The following LRRC4C variants were observed in gnomAD, a reference collection of about 807,000 sequenced individuals.
LRRC4C encodes the protein leucine-rich repeat-containing protein 4C.
A neutral mutation model predicts 33.6 loss-of-function variants in LRRC4C; 5 were observed. That is an observed-to-expected ratio of 0.15 (90% CI 0.08 to 0.31). The LOEUF (loss-of-function observed/expected upper bound fraction) is 0.31. Ranked by LOEUF, LRRC4C falls within the 10% of genes least tolerant of loss-of-function variation. LRRC4C has a pLI of 1.00. For synonymous variants in LRRC4C, 329 were observed against 302.0 expected, an observed-to-expected ratio of 1.09 and a Z score of -0.93; for missense variants, 560 against 796.7, an observed-to-expected ratio of 0.70 and a Z score of 3.58.
chr11:40,702,341 GAA>G (rs1945902133), intron 2 of LRRC4C, among the ~76,000 whole-genome samples: 1 of 151,972 alleles, frequency 6.6e-6, no homozygotes, highest in Non-Finnish European at 1.5e-5. Flanking sequence ...GAGATTTTAT[GAA>G]AAAAGTCTCT....
At chr11:40,175,924 T>A (rs1336222219) in intron 5 of LRRC4C, among the ~76,000 whole-genome samples, 3 of 152,188 alleles carry the variant, frequency 2.0e-5, no homozygotes, top group East Asian at 3.9e-4. Flanking sequence ...CTGTGTCCCA[T>A]GCCCTGAACT....
At chr11:40,827,969 G>A (rs1952238100) in intron 2 of LRRC4C, among the ~76,000 whole-genome samples, 1 of 151,776 alleles carries the variant, frequency 6.6e-6, no homozygotes, top group Middle Eastern at 3.4e-3. Flanking sequence ...TCTTTATAGA[G>A]TCTTGTTTAG....
At chr11:40,600,855 A>G (rs1389156605) in intron 3 of LRRC4C, among the ~76,000 whole-genome samples, 1 of 126,596 alleles carries the variant, frequency 7.9e-6, no homozygotes, top group Non-Finnish European at 1.7e-5. Flanking sequence ...TTTCAGGAAC[A>G]TATCACCCTG....
chr11:40,569,538 G>T (rs1173453733), intron 3 of LRRC4C, among the ~76,000 whole-genome samples: 1 of 152,000 alleles, frequency 6.6e-6, no homozygotes, highest in Non-Finnish European at 1.5e-5. Flanking sequence ...TATGTGTGAT[G>T]TCTGTGTTTG....
At chr11:40,121,745 C>A (rs766210582) in intron 6 of LRRC4C, among the ~76,000 whole-genome samples, 9 of 152,224 alleles carry the variant, frequency 5.9e-5, no homozygotes, top group Non-Finnish European at 7.3e-5. Context: ...AACGGAGATG[C>A]TTTCTTAGCA....
intron 1 of LRRC4C, among the ~76,000 whole-genome samples, chr11:41,450,450 T>G (rs2138636467): frequency 6.6e-6 from 1 of 152,282 alleles, no homozygotes; most frequent in Middle Eastern, 3.4e-3. Context: ...GTTTCTGGCT[T>G]TAAGTGTTAG....
In LRRC4C at chr11:40,212,396, T is replaced by A. The variant is rs557128586; in HGVS notation, c.-96+29123A>T. Among the ~76,000 whole-genome samples, 11 of 151,726 alleles carry A rather than the reference T, an allele frequency of 7.2e-5. No individual in the cohort carries two copies. In the South Asian group the frequency reaches 2.1e-3, roughly 29 times the overall value. On this transcript the variant is annotated intron_variant, in intron 5 of 6. Transcript: ENST00000528697. ...ACCCAGGGTAATTACATGCTCAGAT[T>A]AGAAACTACTTTTAGTAGTATGTAA...
chr11:41,447,966 A>G (rs567654558), intron 1 of LRRC4C, among the ~76,000 whole-genome samples: 2 of 152,092 alleles, frequency 1.3e-5, no homozygotes, highest in South Asian at 4.2e-4. Context: ...TTACAATTTT[A>G]TATCAGCTTG....
At chr11:41,021,878 T>A (rs1385962028) in intron 1 of LRRC4C, among the ~76,000 whole-genome samples, 1 of 151,992 alleles carries the variant, frequency 6.6e-6, no homozygotes, top group Non-Finnish European at 1.5e-5. Flanking sequence ...ATCATAAACA[T>A]AGAATCTTTT....
At chr11:41,034,118 TTGGATTAA>T (rs1856889069) in intron 1 of LRRC4C, among the ~76,000 whole-genome samples, 1 of 152,030 alleles carries the variant, frequency 6.6e-6, no homozygotes, top group East Asian at 1.9e-4. Context: ...TGTTGGAAAC[TTGGATTAA>T]TGGAATAAGG....
intron 2 of LRRC4C, among the ~76,000 whole-genome samples, chr11:40,702,198 G>A (rs963042804): frequency 6.6e-6 from 1 of 151,994 alleles, no homozygotes; most frequent in African/African-American, 2.4e-5. Context: ...TATTTTTACT[G>A]TTTATCAAGC....
At chr11:40,370,067 G>C (rs1207516809) in intron 3 of LRRC4C, among the ~76,000 whole-genome samples, 1 of 152,136 alleles carries the variant, frequency 6.6e-6, no homozygotes, top group Non-Finnish European at 1.5e-5. Context: ...ACATCTGCAA[G>C]AGGATGTTAT....
intron 1 of LRRC4C, among the ~76,000 whole-genome samples, chr11:41,139,098 A>G (rs532474166): frequency 1.3e-5 from 2 of 152,294 alleles, no homozygotes; most frequent in South Asian, 2.1e-4. Flanking sequence ...ATATGGTTAA[A>G]AGCCATATAT....
intron 5 of LRRC4C, among the ~76,000 whole-genome samples, chr11:40,200,221 A>G (rs11035734): frequency 1.5e-5 from 2 of 132,278 alleles, no homozygotes; most frequent in African/African-American, 5.7e-5. Flanking sequence ...AAAAATAGCC[A>G]TTCTTGGTGG....
At chr11:41,089,363 T>G (rs1219702036) in intron 1 of LRRC4C, among the ~76,000 whole-genome samples, 1 of 152,006 alleles carries the variant, frequency 6.6e-6, no homozygotes, top group African/African-American at 2.4e-5. Context: ...AGGTGCCAAT[T>G]ATTGTCATGG....
intron 2 of LRRC4C, among the ~76,000 whole-genome samples, chr11:40,855,500 C>T (rs1042914587): frequency 6.6e-6 from 1 of 152,120 alleles, no homozygotes; most frequent in Non-Finnish European, 1.5e-5. Flanking sequence ...TTTTGTCTTA[C>T]TTGGAGCCTT....
intron 1 of LRRC4C, among the ~76,000 whole-genome samples, chr11:41,053,041 G>A (rs929987865): frequency 3.9e-5 from 6 of 152,078 alleles, no homozygotes; most frequent in African/African-American, 1.4e-4. Context: ...TATCAGAATA[G>A]AGCCATAAAC....
At chr11:41,009,616 C>T (rs1040594156) in intron 1 of LRRC4C, among the ~76,000 whole-genome samples, 2 of 151,916 alleles carry the variant, frequency 1.3e-5, no homozygotes, top group Non-Finnish European at 2.9e-5. Context: ...TCAGTCAGAC[C>T]CTCAGGCATG....
intron 2 of LRRC4C, among the ~76,000 whole-genome samples, chr11:40,659,337 G>A (rs1182266155): frequency 6.6e-6 from 1 of 152,204 alleles, no homozygotes; most frequent in African/African-American, 2.4e-5. Context: ...TGGATGGCAT[G>A]TTGATGGCAG....
Sources: allele counts gnomAD v4.1 joint callset (sites outside exome capture counted in the v4.1 genomes callset), GRCh38; gene constraint gnomAD v4.1.1; transcripts MANE v1.5; gene names NCBI Gene and HGNC (gene_info 2026-07-23, HGNC 2026-07-21).